SH2D4A: variants seen among roughly 807,000 people sequenced by gnomAD.
SH2D4A encodes the protein SH2 domain containing 4A, also known as SH2 domain-containing protein 4A.
A neutral mutation model predicts 64.7 loss-of-function variants in SH2D4A; 70 were observed. The observed-to-expected ratio is 1.08, with a 90% CI of 0.89 to 1.32. The LOEUF (loss-of-function observed/expected upper bound fraction) is 1.32, where lower values mean the gene tolerates loss of function less well. Ranked by LOEUF, SH2D4A falls within the 40% of genes most tolerant of loss-of-function variation. SH2D4A has a pLI of 0.00. For synonymous variants in SH2D4A, 268 were observed against 200.7 expected, an observed-to-expected ratio of 1.34 and a Z score of -2.83; for missense variants, 706 against 540.1, an observed-to-expected ratio of 1.31 and a Z score of -3.04.
intron 8 of SH2D4A, among the ~76,000 whole-genome samples, chr8:19,392,633 A>G (rs1206967988): frequency 6.6e-6 from 1 of 152,114 alleles, no homozygotes; most frequent in Non-Finnish European, 1.5e-5. Context: ...TCCCAGATCT[A>G]ACATTCCCAG....
At chr8:19,332,703 A>C (rs1403302840) in intron 2 of SH2D4A, among the ~76,000 whole-genome samples, 2 of 151,494 alleles carry the variant, frequency 1.3e-5, no homozygotes, top group African/African-American at 4.8e-5. Context: ...AAAAAAAAAA[A>C]AAAAAAAAAA....
chr8:19,314,353 C>A (rs73667636), intron 1 of SH2D4A, among the ~76,000 whole-genome samples: 11,249 of 152,168 alleles, frequency 0.074, 454 homozygotes, highest in Non-Finnish European at 0.088. Flanking sequence ...GCAGCACCCC[C>A]GCAGCACGTT....
rs145623654 is a variant in SH2D4A, at chr8:19,386,411, A to T, written c.1049-6907A>T. ...GCAGCAGGCTTCCTGCAAAAATGTC[A>T]CTGTGTTTGCCAGTAATGTGGGGAA... On this transcript the variant is annotated intron_variant, in intron 8 of 9. Transcript: ENST00000265807. Among the ~76,000 whole-genome samples the T allele has an allele frequency of 4.3e-4, 66 of 152,344 alleles. 1 individual carries two copies. Among genetic ancestry groups the T allele is most frequent in the African/African-American group, 1.5e-3 (62 of 41,586 alleles).
Position 19,319,487 on chromosome 8 carries a change from C to G in SH2D4A, c.-61C>G. The G allele has an allele frequency of 7.1e-7, 1 of 1,407,188 alleles. No homozygotes were observed. Among genetic ancestry groups the G allele is most frequent in the Non-Finnish European group, 9.3e-7 (1 of 1,075,108 alleles). 87.2% of individuals were successfully genotyped at this position (1,407,188 alleles called of 1,614,324 possible). A position where few individuals can be genotyped will look rare whatever the true frequency, so the allele number is the denominator to read the frequency against. ...CCAAGTGCCAGCACAGGTGGAGGGA[C>G]ACCTGGAGGCCAGTTTCAGGAACTT... On this transcript the variant is annotated 5_prime_UTR_variant, in exon 2 of 10. Coordinates refer to ENST00000265807, the MANE Select transcript of SH2D4A (RefSeq NM_022071.4).
chr8:19,368,999 A>G (rs1326962474), intron 7 of SH2D4A, among the ~76,000 whole-genome samples: 1 of 152,142 alleles, frequency 6.6e-6, no homozygotes, highest in African/African-American at 2.4e-5. Flanking sequence ...GTTGAGGTAC[A>G]TTCCTTCTGT....
chr8:19,361,259 G>C lies in SH2D4A; in HGVS notation c.651G>C (p.Glu217Asp). 1 of 1,611,596 alleles carries C rather than the reference G, an allele frequency of 6.2e-7. No individual in the cohort carries two copies. Among genetic ancestry groups the C allele is most frequent in the South Asian group, 1.1e-5 (1 of 90,588 alleles). The change falls in exon 6 of 10, where the codon GAG (glutamate) becomes GAC (aspartate). Residue 217 changes from glutamate to aspartate, a missense_variant. Physicochemically the swap from Glu to Asp is conservative, Grantham distance 45 (BLOSUM62 2). Coordinates refer to ENST00000265807, the MANE Select transcript of SH2D4A (RefSeq NM_022071.4). ...AAGAAATAAATCAAATAGAAGAAGA[G>C]AGAACGAAGCAGATTTGTAAGAGCT... ...QDEEINQIEE[E>D]RTKQICKSWK...
At chr8:19,364,805 T>C (rs1171160565) in intron 7 of SH2D4A, among the ~76,000 whole-genome samples, 1 of 152,192 alleles carries the variant, frequency 6.6e-6, no homozygotes, top group African/African-American at 2.4e-5. Flanking sequence ...AAGTTCCTCT[T>C]TTAAGAATTT....
chr8:19,364,599 C>G (rs957298619), intron 7 of SH2D4A, among the ~76,000 whole-genome samples: 1 of 152,018 alleles, frequency 6.6e-6, no homozygotes, highest in Non-Finnish European at 1.5e-5. Flanking sequence ...CCCTCCCCCC[C>G]AGAGGCAGCC....
chr8:19,367,349 T>C (rs1278884014), intron 7 of SH2D4A, among the ~76,000 whole-genome samples: 1 of 152,154 alleles, frequency 6.6e-6, no homozygotes, highest in East Asian at 1.9e-4. Flanking sequence ...GTATACTAAT[T>C]TATATTCTTA....
intron 4 of SH2D4A, among the ~76,000 whole-genome samples, 181 bp from the exon 5 acceptor site, chr8:19,357,022 T>A (rs1433958518): frequency 6.6e-6 from 1 of 152,160 alleles, no homozygotes; most frequent in Non-Finnish European, 1.5e-5. Flanking sequence ...TACTGAGGAT[T>A]CACATGCCCG....
At chr8:19,363,009 G>C (rs2052919981) in intron 6 of SH2D4A, among the ~76,000 whole-genome samples, 1 of 152,076 alleles carries the variant, frequency 6.6e-6, no homozygotes, top group Non-Finnish European at 1.5e-5. Flanking sequence ...GCCTTATGTA[G>C]AGGCACCATT....
intron 2 of SH2D4A, among the ~76,000 whole-genome samples, chr8:19,321,152 A>ATTATATGCATTATATGT (rs2052183797): frequency 6.6e-6 from 1 of 152,236 alleles, no homozygotes; most frequent in African/African-American, 2.4e-5. Context: ...AAACTTCTGC[A>ATTATATGCATTATATGT]AAGTCAGCAG....
chr8:19,336,561 A>G (rs1032339942), intron 4 of SH2D4A, among the ~76,000 whole-genome samples: 2 of 152,116 alleles, frequency 1.3e-5, no homozygotes, highest in African/African-American at 4.8e-5. Flanking sequence ...CCAGAGTATT[A>G]ATTATGCAGC....
At position 19,319,410 on chromosome 8, in the gene SH2D4A, T is replaced by C; in HGVS notation, c.-138T>C. 2 of 1,302,300 alleles carry C rather than the reference T, an allele frequency of 1.5e-6. No homozygotes were observed. Among genetic ancestry groups the C allele is most frequent in the Non-Finnish European group, 2.0e-6 (2 of 1,022,310 alleles). 80.7% of individuals were successfully genotyped at this position (1,302,300 alleles called of 1,614,324 possible). A position where few individuals can be genotyped will look rare whatever the true frequency, so the allele number is the denominator to read the frequency against. On this transcript the variant is annotated 5_prime_UTR_variant, in exon 2 of 10. Transcript: ENST00000265807. ...TCTGAGTAGCCAGTTTGCTGAATTATTGTCCCAGTCAGCCAGGATTGTGAG... is the reference window on the plus strand; with the variant it reads ...TCTGAGTAGCCAGTTTGCTGAATTACTGTCCCAGTCAGCCAGGATTGTGAG...
At position 19,322,841 on chromosome 8, in the gene SH2D4A, A is replaced by T. The variant is rs11988367; in HGVS notation, c.181+3113A>T. ...AAGCACCTGCTACCATGCCCAGCTA[A>T]TTTTTGTATTTTCAGTAGAGACAGG... On this transcript the variant is annotated intron_variant, in intron 2 of 9. Coordinates refer to ENST00000265807, the MANE Select transcript of SH2D4A (RefSeq NM_022071.4). Among the ~76,000 whole-genome samples the T allele has an allele frequency of 7.3e-4, 111 of 151,872 alleles. 1 individual carries two copies. The highest frequency in any genetic ancestry group is 2.6e-3 in the African/African-American group (107 of 41,390).
chr8:19,391,932 G>C (rs1439292005), intron 8 of SH2D4A, among the ~76,000 whole-genome samples: 1 of 152,222 alleles, frequency 6.6e-6, no homozygotes, highest in Admixed American at 6.5e-5. Flanking sequence ...GAGAAGGCAA[G>C]AGCTTTGCTG....
rs147481112 is a variant in SH2D4A at position 19,351,486 on chromosome 8, C to G, written c.514-5717C>G. Among the ~76,000 whole-genome samples the G allele has an allele frequency of 6.7e-3, 1,015 of 152,102 alleles. 14 individuals carry two copies. The highest frequency in any genetic ancestry group is 0.023 in the African/African-American group (958 of 41,494). ...GGCGTGCTGGCAGGCGCCTGTAGTC[C>G]CAGCTACTCGGGAGGCTGAGGCAGG... On this transcript the variant is annotated intron_variant, in intron 4 of 9. Coordinates refer to ENST00000265807, the MANE Select transcript of SH2D4A (RefSeq NM_022071.4).
intron 8 of SH2D4A, among the ~76,000 whole-genome samples, chr8:19,386,799 A>G (rs1185029489): frequency 3.3e-5 from 5 of 152,194 alleles, no homozygotes; most frequent in African/African-American, 1.2e-4. Context: ...TTTAAAAAAA[A>G]GACAGGGTGT....
chr8:19,365,458 C>T (rs185509231), intron 7 of SH2D4A, among the ~76,000 whole-genome samples: 5 of 152,272 alleles, frequency 3.3e-5, no homozygotes, highest in Admixed American at 1.3e-4. Context: ...AAGGTGCACA[C>T]GGCTCTAAGT....
Sources: gnomAD v4.1 joint callset for allele counts (sites outside exome capture counted in the v4.1 genomes callset) on GRCh38, gnomAD v4.1.1 for gene constraint, MANE v1.5 for transcripts, NCBI Gene and HGNC (gene_info 2026-07-23, HGNC 2026-07-21) for gene names.